Variants in FLRT1 observed in about 807,000 individuals in gnomAD.
The protein encoded by FLRT1 is leucine-rich repeat transmembrane protein FLRT1.
In FLRT1, 14 loss-of-function variants were observed where a neutral mutation model predicts 30.9. The ratio of observed to expected loss-of-function variants is 0.45; its 90% CI spans 0.30 to 0.71. The LOEUF (loss-of-function observed/expected upper bound fraction) is 0.71. FLRT1 is among the 30% of genes least tolerant of loss of function. The probability of loss-of-function intolerance (pLI) is 0.08; values close to 1 mark genes in which losing one functional copy is unlikely to be tolerated. For missense variants in FLRT1, 737 were observed against 949.2 expected (o/e 0.78, Z 2.94); for synonymous variants, 368 against 430.4 (o/e 0.85, Z 1.80).
intron 1 of FLRT1, among the ~76,000 whole-genome samples, chr11:64,072,424 A>T (rs751057050): frequency 1.8e-3 from 204 of 112,880 alleles, no homozygotes; most frequent in Non-Finnish European, 3.8e-3. Flanking sequence ...CGGCTCATTT[A>T]AAAAAAAAAA....
At position 64,036,155 on chromosome 11, in the gene FLRT1, C is replaced by A. The variant is rs61884700; in HGVS notation, c.-1042C>A. The stretch of plus-strand genomic sequence containing the variant: ...AGGAGACCCGCCTCCCCGGCCGCTG[C>A]GCAGGTAGGGCTGGCTGCACCGGGC... On this transcript the variant is annotated 5_prime_UTR_variant, in exon 1 of 3. Transcript: ENST00000682287. The surrounding 1 kb of genome is among the most constrained non-coding windows in gnomAD (Gnocchi z 5.6). The A allele has an allele frequency of 4.6e-5, 7 of 152,218 alleles. No homozygotes were observed. Among genetic ancestry groups the A allele is most frequent in the Middle Eastern group, 3.4e-3 (1 of 294 alleles). 9.4% of individuals were successfully genotyped at this position (152,218 alleles called of 1,614,324 possible).
Position 64,117,972 on chromosome 11 carries a change from G to C in FLRT1, c.1705G>C (p.Val569Leu). Residue 569 changes from valine to leucine, a missense_variant, in exon 3 of 3, where the codon GTC (valine) becomes CTC (leucine). Transcript: ENST00000682287. Reference sequence around the variant, plus strand: ...AGTGGCTCTGGTCTTCCTCTTCCTGGTCCTGGGGGCCATCTGCTGGTACGT... The same window carrying C: ...AGTGGCTCTGGTCTTCCTCTTCCTGCTCCTGGGGGCCATCTGCTGGTACGT... ...GAVALVFLFL[V>L]LGAICWYVHQ... 6.2e-7 allele frequency: 1 copy of C among 1,613,790 alleles called. No individual in the cohort carries two copies. Among genetic ancestry groups the C allele is most frequent in the Non-Finnish European group, 8.5e-7 (1 of 1,180,028 alleles).
chr11:64,062,857 C>T (rs996172100), intron 1 of FLRT1, among the ~76,000 whole-genome samples: 1 of 152,220 alleles, frequency 6.6e-6, no homozygotes, highest in African/African-American at 2.4e-5. Context: ...GCACCTCCAC[C>T]CCGGCCCCGC....
At chr11:64,063,127 G>A (rs7130019) in intron 1 of FLRT1, among the ~76,000 whole-genome samples, 1,995 of 152,280 alleles carry the variant, frequency 0.013, 42 homozygotes, top group African/African-American at 0.045. Flanking sequence ...GCAGCAGAGA[G>A]GCCACCCTAT....
At position 64,116,707 on chromosome 11, in the gene FLRT1, T is replaced by C; in HGVS notation, c.440T>C (p.Leu147Pro). ...GTGCGCACCATTGCCAGGGACTCGC[T>C]GGCCCGCATCCCGCTGCTGGAGAAG... Reference protein sequence around the residue: ...NNVRTIARDSLARIPLLEKLH... With the variant: ...NNVRTIARDSPARIPLLEKLH... Residue 147 changes from leucine (L) to proline (P), a missense_variant, in exon 3 of 3, where the codon CTG becomes CCG. Physicochemically the swap from Leu to Pro is moderately conservative, Grantham distance 98 (BLOSUM62 -3). Transcript: ENST00000682287. 1 of 1,613,818 alleles carries C rather than the reference T, an allele frequency of 6.2e-7. No homozygotes were observed. Among genetic ancestry groups the C allele is most frequent in the Non-Finnish European group, 8.5e-7 (1 of 1,180,032 alleles).
intron 2 of FLRT1, among the ~76,000 whole-genome samples, chr11:64,114,839 T>C (rs1944947107): frequency 6.6e-6 from 1 of 152,180 alleles, no homozygotes; most frequent in South Asian, 2.1e-4. Flanking sequence ...GGAAGCTTTA[T>C]CTGGGGCCTC....
chr11:64,110,436 C>T (rs1468135546), intron 2 of FLRT1, among the ~76,000 whole-genome samples: 2 of 148,234 alleles, frequency 1.3e-5, no homozygotes, highest in Non-Finnish European at 3.0e-5. Flanking sequence ...GGTGACAGAG[C>T]GAGACTGTCT....
At chr11:64,044,505 T>C (rs1943548126) in intron 1 of FLRT1, among the ~76,000 whole-genome samples, 1 of 152,120 alleles carries the variant, frequency 6.6e-6, no homozygotes, top group Non-Finnish European at 1.5e-5. Context: ...CGCCTTGGCC[T>C]CCTGATTACA....
At chr11:64,099,276 G>T (rs1944630120) in intron 1 of FLRT1, among the ~76,000 whole-genome samples, 1 of 152,260 alleles carries the variant, frequency 6.6e-6, no homozygotes, top group South Asian at 2.1e-4. Flanking sequence ...ACACTGCCCT[G>T]TGTGCGTCTC....
chr11:64,051,140 GC>G (rs1943686484), intron 1 of FLRT1, among the ~76,000 whole-genome samples: 1 of 152,210 alleles, frequency 6.6e-6, no homozygotes, highest in Non-Finnish European at 1.5e-5. Flanking sequence ...CAGGTTTGAG[GC>G]CCCCTGACCA....
chr11:64,108,254 G>A (rs1279168086), intron 2 of FLRT1, among the ~76,000 whole-genome samples: 3 of 151,718 alleles, frequency 2.0e-5, no homozygotes, highest in Admixed American at 6.6e-5. Context: ...CAGAGGTTGC[G>A]GTGAGCCAAG....
chr11:64,075,521 C>T (rs12293397), intron 1 of FLRT1, among the ~76,000 whole-genome samples: 4 of 152,246 alleles, frequency 2.6e-5, no homozygotes, highest in Non-Finnish European at 1.5e-5. Context: ...GGGCTCAAAC[C>T]GAGGGAACAG....
chr11:64,065,819 A>C (rs1755143440), intron 1 of FLRT1, among the ~76,000 whole-genome samples: 1 of 149,996 alleles, frequency 6.7e-6, no homozygotes, highest in African/African-American at 2.5e-5. Flanking sequence ...AAGATGAACA[A>C]GGAGACTCCC....
chr11:64,104,655 G>A (rs1944727010), intron 2 of FLRT1, among the ~76,000 whole-genome samples: 1 of 152,090 alleles, frequency 6.6e-6, no homozygotes, highest in Non-Finnish European at 1.5e-5. Context: ...GCCCGCCCCT[G>A]TTCTGGCCAG....
At chr11:64,039,451 C>T (rs1172971203) in intron 1 of FLRT1, among the ~76,000 whole-genome samples, 1 of 152,184 alleles carries the variant, frequency 6.6e-6, no homozygotes, top group Non-Finnish European at 1.5e-5. Flanking sequence ...CTGTGTTGTT[C>T]TGCCGGAGAC....
intron 1 of FLRT1, among the ~76,000 whole-genome samples, chr11:64,059,857 T>C (rs556235066): frequency 4.6e-5 from 7 of 152,246 alleles, no homozygotes; most frequent in African/African-American, 1.7e-4. Flanking sequence ...GATTGGTTGC[T>C]ACTGATCCAA....
At chr11:64,094,666 G>A (rs56286917) in intron 1 of FLRT1, among the ~76,000 whole-genome samples, 45,827 of 152,174 alleles carry the variant, frequency 0.3, 8,772 homozygotes, top group Middle Eastern at 0.47. Flanking sequence ...TGGCTGCTGC[G>A]GGCGGGACCA....
intron 1 of FLRT1, among the ~76,000 whole-genome samples, chr11:64,055,922 TGCCATGCTGCCTGCAGCCGACAGCC>T: frequency 6.6e-6 from 1 of 152,308 alleles, no homozygotes; most frequent in South Asian, 2.1e-4. Context: ...GAGGGACAGA[TGCCATGCTGCCTGCAGCCGACAGCC>T]GTATCAGCAC....
At chr11:64,085,681 C>A (rs1243483099) in intron 1 of FLRT1, among the ~76,000 whole-genome samples, 1 of 152,170 alleles carries the variant, frequency 6.6e-6, no homozygotes, top group Admixed American at 6.5e-5. Context: ...GTGGGACGGT[C>A]ACCCACAGAC....
Sources: gnomAD v4.1 joint callset for allele counts (sites outside exome capture counted in the v4.1 genomes callset) on GRCh38, gnomAD v4.1.1 for gene constraint, Gnocchi (gnomAD v3.1) non-coding constraint, MANE v1.5 for transcripts, NCBI Gene and HGNC (gene_info 2026-07-23, HGNC 2026-07-21) for gene names.